DCC: variants seen among roughly 807,000 people sequenced by gnomAD.
DCC encodes netrin receptor DCC.
In DCC, 58 loss-of-function variants were observed where a neutral mutation model predicts 172.5. The ratio of observed to expected loss-of-function variants is 0.34; its 90% CI spans 0.27 to 0.42. DCC has a LOEUF of 0.42. Among genes scored for constraint, DCC ranks in the 10% least tolerant of loss-of-function variants. The pLI, the probability that DCC is intolerant of heterozygous loss-of-function variation, is 1.00. For synonymous variants in DCC, 709 were observed against 644.5 expected (o/e 1.10, Z -1.52); for missense variants, 1,740 against 1,791.0 (o/e 0.97, Z 0.51).
intron 1 of DCC, among the ~76,000 whole-genome samples, chr18:52,447,749 A>G (rs1988169625): frequency 6.6e-6 from 1 of 152,064 alleles, no homozygotes. Flanking sequence ...GGCACCTCAC[A>G]CAACCAGAGC....
chr18:53,494,269 G>A (rs2045992792), intron 26 of DCC, among the ~76,000 whole-genome samples: 1 of 152,182 alleles, frequency 6.6e-6, no homozygotes, highest in Non-Finnish European at 1.5e-5. Context: ...TAGAATAACT[G>A]TGATGTAGTG....
chr18:53,006,638 C>A (rs1382287170), intron 5 of DCC, among the ~76,000 whole-genome samples: 1 of 152,204 alleles, frequency 6.6e-6, no homozygotes, highest in Admixed American at 6.5e-5. Flanking sequence ...AATGAAACTA[C>A]TGCATGTTAT....
chr18:52,788,867 A>G (rs909171344), intron 2 of DCC, among the ~76,000 whole-genome samples: 1 of 152,144 alleles, frequency 6.6e-6, no homozygotes, highest in Non-Finnish European at 1.5e-5. Flanking sequence ...GGGAGAGCCT[A>G]TGGGAGAAGA....
chr18:52,923,290 C>G (rs1207299460), intron 3 of DCC, among the ~76,000 whole-genome samples: 1 of 152,078 alleles, frequency 6.6e-6, no homozygotes, highest in Non-Finnish European at 1.5e-5. Flanking sequence ...ATTTGTTTCT[C>G]TTATTTTCCA....
chr18:52,979,183 T>TA (rs200484284), intron 5 of DCC, among the ~76,000 whole-genome samples: 2,140 of 152,214 alleles, frequency 0.014, 55 homozygotes, highest in African/African-American at 0.049. Context: ...TATAGTCTGT[T>TA]AAAAAATAGC....
Position 53,490,775 on chromosome 18 carries a change from G to A in DCC, c.3898+3817G>A, listed in dbSNP as rs552142313. ...TCTGAAATGAGAGTATTTCACTGGC[G>A]GACCAGTTGCTATTGTATTTGTTAA... On this transcript the variant is annotated intron_variant, in intron 26 of 28. Coordinates refer to ENST00000442544, the MANE Select transcript of DCC (RefSeq NM_005215.4). 1.1e-4 allele frequency among the ~76,000 whole-genome samples: 17 copies of A among 152,240 alleles called. No homozygotes were observed. The South Asian group carries it at 2.5e-3, about 22-fold the overall frequency.
chr18:52,848,510 T>C (rs977650156), intron 2 of DCC, among the ~76,000 whole-genome samples: 17 of 152,242 alleles, frequency 1.1e-4, no homozygotes, highest in Admixed American at 6.5e-5. Flanking sequence ...TGGAATCATA[T>C]CAAACTTTCG....
intron 15 of DCC, among the ~76,000 whole-genome samples, chr18:53,347,320 C>T (rs1172946053): frequency 6.6e-6 from 1 of 152,122 alleles, no homozygotes; most frequent in African/African-American, 2.4e-5. Context: ...TTGTAAAATA[C>T]TCAGACCTCA....
rs367591898 is a variant in DCC, at chr18:53,405,190, T to TAAA, written c.2935+2310_2935+2312dup. ...AAGTGCAACAATTAATAATAAAAAGTAAAAAAAAAAAAAAAGAAATGAGCT... is the reference window on the plus strand; with the variant it reads ...AAGTGCAACAATTAATAATAAAAAGTAAAAAAAAAAAAAAAAAAGAAATGAGCT... On this transcript the variant is annotated intron_variant, in intron 19 of 28. Coordinates refer to ENST00000442544, the MANE Select transcript of DCC (RefSeq NM_005215.4). 4.1e-3 allele frequency among the ~76,000 whole-genome samples: 568 copies of TAAA among 139,104 alleles called. 1 individual carries two copies. The highest frequency in any genetic ancestry group is 0.011 in the Middle Eastern group (3 of 264). 91.3% of individuals were successfully genotyped at this position (139,104 alleles called of 152,430 possible). A position where few individuals can be genotyped will look rare whatever the true frequency, so the allele number is the denominator to read the frequency against.
intron 1 of DCC, among the ~76,000 whole-genome samples, chr18:52,717,618 G>A (rs1413683601): frequency 2.6e-5 from 4 of 151,896 alleles, no homozygotes; most frequent in African/African-American, 7.3e-5. Context: ...AACTTTGAGA[G>A]CCTCAAAACT....
At chr18:52,552,214 T>C (rs1424724169) in intron 1 of DCC, among the ~76,000 whole-genome samples, 1 of 152,024 alleles carries the variant, frequency 6.6e-6, no homozygotes, top group Non-Finnish European at 1.5e-5. Context: ...ACTTTTAACA[T>C]TAGGAGGAGA....
At chr18:53,306,348 C>T (rs73957145) in intron 13 of DCC, among the ~76,000 whole-genome samples, 6,802 of 152,166 alleles carry the variant, frequency 0.045, 475 homozygotes, top group African/African-American at 0.15. Flanking sequence ...TCCTAGAAAA[C>T]AGAATGAGGC....
intron 5 of DCC, among the ~76,000 whole-genome samples, chr18:53,004,684 TTTTG>T (rs143161043): frequency 0.04 from 6,055 of 151,556 alleles, 382 homozygotes; most frequent in African/African-American, 0.13. Flanking sequence ...CAAGATCTGT[TTTTG>T]TTTGTTTGTT....
chr18:52,954,365 C>A (rs915236352), intron 5 of DCC, among the ~76,000 whole-genome samples: 1 of 151,820 alleles, frequency 6.6e-6, no homozygotes, highest in African/African-American at 2.4e-5. Context: ...TTAACTATTA[C>A]CAGCTTTATG....
chr18:53,521,251 G>A (rs1178660578), intron 27 of DCC, among the ~76,000 whole-genome samples: 1 of 152,092 alleles, frequency 6.6e-6, no homozygotes, highest in Non-Finnish European at 1.5e-5. Context: ...CATTTTGAAT[G>A]CATAACTGTT....
chr18:53,077,883 G>C (rs1599104119), intron 7 of DCC, among the ~76,000 whole-genome samples: 1 of 152,116 alleles, frequency 6.6e-6, no homozygotes, highest in African/African-American at 2.4e-5. Context: ...AATTTTTAAA[G>C]TCTAGGATTC....
At chr18:53,277,016 G>A (rs2144719116) in intron 12 of DCC, among the ~76,000 whole-genome samples, 1 of 152,114 alleles carries the variant, frequency 6.6e-6, no homozygotes, top group African/African-American at 2.4e-5. Flanking sequence ...GAAAGAAGAG[G>A]CAATGAAGAA....
At chr18:53,161,934 TTCA>T (rs1200538967) in intron 8 of DCC, among the ~76,000 whole-genome samples, 1 of 152,188 alleles carries the variant, frequency 6.6e-6, no homozygotes, top group Non-Finnish European at 1.5e-5. Flanking sequence ...AATAAAGTAT[TTCA>T]TCATATTATT....
chr18:52,833,010 T>C (rs543375821), intron 2 of DCC, among the ~76,000 whole-genome samples: 1 of 152,188 alleles, frequency 6.6e-6, no homozygotes, highest in African/African-American at 2.4e-5. Flanking sequence ...CAAATGAGAA[T>C]ATATAACCTC....
Sources: gnomAD v4.1 joint callset for allele counts (sites outside exome capture counted in the v4.1 genomes callset) on GRCh38, gnomAD v4.1.1 for gene constraint, MANE v1.5 for transcripts, NCBI Gene and HGNC (gene_info 2026-07-23, HGNC 2026-07-21) for gene names.